Variants in EBF3 observed in about 807,000 individuals in gnomAD.
EBF3 encodes EBF transcription factor 3.
In EBF3, 18 loss-of-function variants were observed where a neutral mutation model predicts 77.1. The ratio of observed to expected loss-of-function variants is 0.23; its 90% CI spans 0.16 to 0.35. The LOEUF is 0.35. EBF3 is among the 10% of genes least tolerant of loss of function. EBF3 has a pLI of 1.00. For synonymous variants in EBF3, 350 were observed against 343.5 expected (o/e 1.02, Z -0.21); for missense variants, 558 against 860.0 (o/e 0.65, Z 4.39).
chr10:129,943,746 T>C lies in EBF3; in HGVS notation c.554+13512A>G, dbSNP rs547191501. 4.8e-4 allele frequency among the ~76,000 whole-genome samples: 73 copies of C among 152,352 alleles called. No homozygotes were observed. Among genetic ancestry groups the C allele is most frequent in the African/African-American group, 1.7e-3 (71 of 41,580 alleles). The stretch of plus-strand genomic sequence containing the variant: ...TTCTTTTCACAGGCTGCATCTATGC[T>C]AGCCAATGAAAACAACACAGAAACA... On this transcript the variant is annotated intron_variant, in intron 6 of 16. Coordinates refer to ENST00000440978, the MANE Select transcript of EBF3 (RefSeq NM_001375380.1). This position sits in a 1 kb window ranked among gnomAD's most constrained non-coding sequence, Gnocchi z 8.8.
At chr10:129,904,682 C>A (rs1589826830) in intron 6 of EBF3, among the ~76,000 whole-genome samples, 1 of 151,802 alleles carries the variant, frequency 6.6e-6, no homozygotes, top group Non-Finnish European at 1.5e-5. Context: ...ATGGATAGAA[C>A]TATATAATAC....
chr10:129,960,262 A>G (rs1859401450), intron 4 of EBF3, among the ~76,000 whole-genome samples: 1 of 151,938 alleles, frequency 6.6e-6, no homozygotes, highest in South Asian at 2.1e-4. Flanking sequence ...ATTCCTTCCA[A>G]CCTCCCCGGG....
In EBF3 at chr10:129,857,331, A is replaced by G. The variant is rs1157806986; in HGVS notation, c.1040-8851T>C. Among the ~76,000 whole-genome samples, 6 of 152,144 alleles carry G rather than the reference A, an allele frequency of 3.9e-5. 1 individual carries two copies. Among genetic ancestry groups the G allele is most frequent in the Non-Finnish European group, 8.8e-5 (6 of 68,002 alleles). ...AATGCCAAGGTGTACTGGGACCAGA[A>G]GGCCATCGTGTCCTCATCTGACCTC... On this transcript the variant is annotated intron_variant, in intron 10 of 16. Coordinates refer to ENST00000440978, the MANE Select transcript of EBF3 (RefSeq NM_001375380.1).
intron 11 of EBF3, among the ~76,000 whole-genome samples, chr10:129,843,861 T>C (rs902267757): frequency 1.5e-4 from 23 of 152,268 alleles, no homozygotes; most frequent in African/African-American, 5.3e-4. Context: ...TCCGAGAGTG[T>C]GCGCGCTGTG....
chr10:129,871,911 G>GA (rs1380080117), intron 8 of EBF3, among the ~76,000 whole-genome samples: 1 of 152,130 alleles, frequency 6.6e-6, no homozygotes, highest in African/African-American at 2.4e-5. Flanking sequence ...AAACAAACAG[G>GA]AAAAAATCCT....
chr10:129,871,800 CAG>C (rs890495801), intron 8 of EBF3, among the ~76,000 whole-genome samples: 49 of 152,168 alleles, frequency 3.2e-4, no homozygotes, highest in African/African-American at 1.1e-3. Flanking sequence ...TGCTAGTCCT[CAG>C]AGTCACCCTA....
intron 10 of EBF3, among the ~76,000 whole-genome samples, chr10:129,859,364 G>A (rs1274481111): frequency 6.6e-6 from 1 of 152,150 alleles, no homozygotes; most frequent in Non-Finnish European, 1.5e-5. Flanking sequence ...TGGGACTACA[G>A]GCGTGCGCCA....
chr10:129,852,142 C>G (rs1850926462), intron 10 of EBF3, among the ~76,000 whole-genome samples: 1 of 152,142 alleles, frequency 6.6e-6, no homozygotes, highest in African/African-American at 2.4e-5. Flanking sequence ...ACAAATAGAG[C>G]CTGACACGAC....
At chr10:129,948,562 C>A (rs1858418843) in intron 6 of EBF3, among the ~76,000 whole-genome samples, 1 of 132,156 alleles carries the variant, frequency 7.6e-6, no homozygotes, top group Non-Finnish European at 1.5e-5. Context: ...CGTGTATCAG[C>A]ATTGGCTCAG....
At chr10:129,850,960 C>T (rs1226198061) in intron 10 of EBF3, among the ~76,000 whole-genome samples, 2 of 152,310 alleles carry the variant, frequency 1.3e-5, no homozygotes, top group South Asian at 4.1e-4. Flanking sequence ...GCAGAGTTTA[C>T]GGGCGAGAGC....
At chr10:129,942,639 C>T (rs1353746528) in intron 6 of EBF3, among the ~76,000 whole-genome samples, 1 of 152,190 alleles carries the variant, frequency 6.6e-6, no homozygotes, top group East Asian at 1.9e-4. Context: ...GGGTGCATTC[C>T]AGAGATGGCC....
chr10:129,846,781 G>A (rs1850494581), intron 11 of EBF3, among the ~76,000 whole-genome samples: 1 of 152,124 alleles, frequency 6.6e-6, no homozygotes, highest in African/African-American at 2.4e-5. Flanking sequence ...TTTATGTGAA[G>A]CCTGAACAAT....
chr10:129,906,577 C>T lies in EBF3; in HGVS notation c.555-28728G>A, dbSNP rs979951562. On this transcript the variant is annotated intron_variant, in intron 6 of 16. Coordinates refer to ENST00000440978, the MANE Select transcript of EBF3 (RefSeq NM_001375380.1). ...GGACAGTCCCTATGGGACCAGAGGA[C>T]GCTTCTGCTTAGTTCTGAAGTGGCC... is the stretch of plus-strand genomic sequence containing the variant. 5.3e-5 allele frequency among the ~76,000 whole-genome samples: 8 copies of T among 152,266 alleles called. No individual in the cohort carries two copies. In the South Asian group the frequency reaches 6.2e-4, roughly 12 times the overall value.
In EBF3 at chr10:129,935,788, C is replaced by T. The variant is rs568662599; in HGVS notation, c.554+21470G>A. Among the ~76,000 whole-genome samples the T allele has an allele frequency of 6.6e-6, 1 of 152,342 alleles. No individual in the cohort carries two copies. Among genetic ancestry groups the T allele is most frequent in the Non-Finnish European group, 1.5e-5 (1 of 68,034 alleles). On this transcript the variant is annotated intron_variant, in intron 6 of 16. Coordinates refer to ENST00000440978, the MANE Select transcript of EBF3 (RefSeq NM_001375380.1). The surrounding 1 kb of genome is among the most constrained non-coding windows in gnomAD (Gnocchi z 4.2). ...GGAGCAGAGCTTGGCCCTGCCACAC[C>T]GGGGCCTCAGGCAAAGCCAAGGGCA...
At chr10:129,875,486 G>A (rs1039548887) in intron 7 of EBF3, among the ~76,000 whole-genome samples, 14 of 152,250 alleles carry the variant, frequency 9.2e-5, no homozygotes, top group African/African-American at 2.4e-4. Context: ...GTGAGCCACC[G>A]CGCCCGGCCG....
At chr10:129,883,419 G>T (rs1029820249) in intron 6 of EBF3, among the ~76,000 whole-genome samples, 3 of 152,190 alleles carry the variant, frequency 2.0e-5, no homozygotes, top group Non-Finnish European at 2.9e-5. Context: ...TCAGAGTCAA[G>T]AATAAAAAAT....
chr10:129,924,438 AAAAAAAAC>A (rs200252959), intron 6 of EBF3, among the ~76,000 whole-genome samples: 11,275 of 150,434 alleles, frequency 0.075, 454 homozygotes, highest in East Asian at 0.15. Context: ...AACAAAAAAA[AAAAAAAAC>A]AAAAAACAAA....
intron 10 of EBF3, among the ~76,000 whole-genome samples, chr10:129,849,794 C>T (rs1850732274): frequency 6.6e-6 from 1 of 152,232 alleles, no homozygotes; most frequent in South Asian, 2.1e-4. Context: ...CATGACATGG[C>T]TTTTGCTGGG....
intron 6 of EBF3, among the ~76,000 whole-genome samples, chr10:129,882,624 G>C (rs1853286903): frequency 6.6e-6 from 1 of 152,238 alleles, no homozygotes; most frequent in African/African-American, 2.4e-5. Flanking sequence ...CTGTAAAGGG[G>C]GCCTCTGTGT....
Sources: gnomAD v4.1 joint callset for allele counts (sites outside exome capture counted in the v4.1 genomes callset) on GRCh38, gnomAD v4.1.1 for gene constraint, Gnocchi (gnomAD v3.1) non-coding constraint, MANE v1.5 for transcripts, NCBI Gene and HGNC (gene_info 2026-07-23, HGNC 2026-07-21) for gene names.